Variants in NHS observed in about 807,000 individuals in gnomAD.
The protein encoded by NHS is NHS actin remodeling regulator.
In NHS, 5 loss-of-function variants were observed where a neutral mutation model predicts 72.5. The ratio of observed to expected loss-of-function variants is 0.07; its 90% confidence interval spans 0.04 to 0.14. The LOEUF is 0.14. Ranked by LOEUF, NHS falls within the 10% of genes least tolerant of loss-of-function variation. The pLI, the probability that NHS is intolerant of heterozygous loss-of-function variation, is 1.00. For missense variants in NHS, 1,072 were observed against 1,355.7 expected, an observed-to-expected ratio of 0.79 and a Z score of 3.29; for synonymous variants, 464 against 547.7, an observed-to-expected ratio of 0.85 and a Z score of 2.13.
At chrX:17,584,520 G>A (rs775748944) in intron 1 of NHS, among the ~76,000 whole-genome samples, 3 of 112,345 alleles carry the variant, frequency 2.7e-5, no homozygotes, top group Non-Finnish European at 3.8e-5. Flanking sequence ...AAAGATAAAC[G>A]TTGGATTTGG....
At chrX:17,692,508 G>A (rs2066203540) in intron 3 of NHS, 40 bp downstream of exon 3, 2 of 1,205,997 alleles carry the variant, frequency 1.7e-6, no homozygotes, top group African/African-American at 3.5e-5. Context: ...GCTTGCTGCT[G>A]AGGAAACATC....
intron 1 of NHS, among the ~76,000 whole-genome samples, chrX:17,452,328 A>G (rs1051333748): frequency 9.0e-6 from 1 of 111,300 alleles, no homozygotes; most frequent in Admixed American, 9.5e-5. Context: ...TAACGCCCTG[A>G]ATTTTATTCA....
chrX:17,595,867 T>C (rs2065621900), intron 1 of NHS, among the ~76,000 whole-genome samples: 2 of 111,683 alleles, frequency 1.8e-5, no homozygotes, highest in Admixed American at 1.9e-4. Context: ...TTCCAAGGAG[T>C]GAATGTTAAC....
chrX:17,484,207 C>T (rs1431792173), intron 1 of NHS, among the ~76,000 whole-genome samples: 1 of 112,272 alleles, frequency 8.9e-6, no homozygotes, highest in Admixed American at 9.4e-5. Flanking sequence ...GCTTCTTTGT[C>T]CCTCATGTGT....
chrX:17,677,672 C>T (rs763266582), intron 1 of NHS, among the ~76,000 whole-genome samples: 37 of 111,674 alleles, frequency 3.3e-4, no homozygotes, highest in African/African-American at 1.1e-3. Context: ...ATGCTCCTTG[C>T]GGTCTGTGTT....
chrX:17,589,841 CTA>C (rs2065594352), intron 1 of NHS, among the ~76,000 whole-genome samples: 1 of 111,501 alleles, frequency 9.0e-6, no homozygotes, highest in Non-Finnish European at 1.9e-5. Flanking sequence ...ATGCCAATGT[CTA>C]TTATTTTTTA....
At chrX:17,530,780 CT>C (rs1215747049) in intron 1 of NHS, among the ~76,000 whole-genome samples, 1 of 111,497 alleles carries the variant, frequency 9.0e-6, no homozygotes, top group Non-Finnish European at 1.9e-5. Flanking sequence ...GCATTTCATC[CT>C]TTTTTCTTTT....
intron 1 of NHS, among the ~76,000 whole-genome samples, chrX:17,459,216 G>C (rs959693653): frequency 3.6e-5 from 4 of 112,622 alleles, no homozygotes; most frequent in African/African-American, 9.7e-5. Flanking sequence ...TGCCAAGTCT[G>C]CGGAGACTGT....
intron 1 of NHS, among the ~76,000 whole-genome samples, chrX:17,423,446 A>G (rs112937950): frequency 0.034 from 3,745 of 111,312 alleles, 167 homozygotes; most frequent in African/African-American, 0.12. Flanking sequence ...GTCCAGTGAG[A>G]TAATGAATTA....
chrX:17,519,281 C>G (rs967095631), intron 1 of NHS, among the ~76,000 whole-genome samples: 2 of 112,187 alleles, frequency 1.8e-5, no homozygotes, highest in African/African-American at 6.5e-5. Flanking sequence ...CATCTCGAGA[C>G]CTCACAGCAG....
rs372388722 is a variant in NHS at position 17,699,574 on chromosome X, G to A, written c.852+7106G>A. ...GGGCCAAACAATTTTTTGTTGTGGG[G>A]ACCATCTTGTGCATTGTGCAATGTT... On this transcript the variant is annotated intron_variant, in intron 3 of 8. Transcript: ENST00000676302. Among the ~76,000 whole-genome samples, 4 of 111,757 alleles carry A rather than the reference G, an allele frequency of 3.6e-5. No individual in the cohort carries two copies. The East Asian group carries it at 8.4e-4, about 24-fold the overall frequency.
intron 1 of NHS, among the ~76,000 whole-genome samples, chrX:17,459,426 G>A (rs1378416686): frequency 8.9e-6 from 1 of 111,897 alleles, no homozygotes; most frequent in Middle Eastern, 4.2e-3. Context: ...TTTCACAGAA[G>A]GGCTGAGAAC....
intron 1 of NHS, among the ~76,000 whole-genome samples, chrX:17,529,375 G>A (rs1017032542): frequency 1.8e-5 from 2 of 111,926 alleles, no homozygotes; most frequent in African/African-American, 6.5e-5. Flanking sequence ...ATACAGAAAA[G>A]TGCATGTACA....
chrX:17,724,217 G>A (rs952730675), intron 5 of NHS, 82 bp from the exon 6 acceptor site: 55 of 1,159,713 alleles, frequency 4.7e-5, no homozygotes, highest in Middle Eastern at 2.8e-4. Flanking sequence ...CTTACTTCCC[G>A]TCAAAAATAT....
At chrX:17,615,235 TACGTATATATATACACATATATACAC>T in intron 1 of NHS, among the ~76,000 whole-genome samples, 2 of 96,798 alleles carry the variant, frequency 2.1e-5, no homozygotes, top group Admixed American at 1.1e-4. Flanking sequence ...CACATATATA[TACGTATATATATACACATATATACAC>T]ATATATATAT....
chrX:17,442,490 G>A (rs964344140), intron 1 of NHS, among the ~76,000 whole-genome samples: 1 of 112,664 alleles, frequency 8.9e-6, no homozygotes, highest in African/African-American at 3.2e-5. Flanking sequence ...CTGCAAGAAA[G>A]TCTGGGAAAT....
intron 1 of NHS, among the ~76,000 whole-genome samples, chrX:17,674,548 G>A (rs2066068457): frequency 8.9e-6 from 1 of 112,194 alleles, no homozygotes; most frequent in African/African-American, 3.2e-5. Flanking sequence ...TCTGATCCCT[G>A]TGTGTGGTCT....
chrX:17,612,995 A>G (rs1486750517), intron 1 of NHS, among the ~76,000 whole-genome samples: 3 of 95,238 alleles, frequency 3.1e-5, no homozygotes, highest in Non-Finnish European at 4.1e-5. Flanking sequence ...TCATTTTTCA[A>G]AAGTAATTGC....
chrX:17,675,732 C>G (rs1244002725), intron 1 of NHS, among the ~76,000 whole-genome samples: 1 of 112,382 alleles, frequency 8.9e-6, no homozygotes, highest in Non-Finnish European at 1.9e-5. Flanking sequence ...TGCCACTCAT[C>G]TAGCTATGTC....
Sources: gnomAD v4.1 joint callset for allele counts (sites outside exome capture counted in the v4.1 genomes callset) on GRCh38, gnomAD v4.1.1 for gene constraint, MANE v1.5 for transcripts, NCBI Gene and HGNC (gene_info 2026-07-23, HGNC 2026-07-21) for gene names.